FTO: variants seen among roughly 807,000 people sequenced by gnomAD.
The protein encoded by FTO is FTO alpha-ketoglutarate dependent dioxygenase, also known as alpha-ketoglutarate-dependent dioxygenase FTO.
A neutral mutation model predicts 63.9 loss-of-function variants in FTO; 47 were observed. The ratio of observed to expected loss-of-function variants is 0.74; its 90% confidence interval spans 0.58 to 0.94. The LOEUF (loss-of-function observed/expected upper bound fraction) is 0.94, where lower values mean the gene tolerates loss of function less well. Among genes scored for constraint, FTO ranks in the 40% least tolerant of loss-of-function variants. The pLI, the probability that FTO is intolerant of heterozygous loss-of-function variation, is 0.00. For missense variants in FTO, 562 were observed against 618.1 expected, an observed-to-expected ratio of 0.91 and a Z score of 0.96; for synonymous variants, 207 against 224.4, an observed-to-expected ratio of 0.92 and a Z score of 0.69.
chr16:53,773,230 C>G (rs1049626382), intron 1 of FTO, among the ~76,000 whole-genome samples: 4 of 151,942 alleles, frequency 2.6e-5, no homozygotes, highest in African/African-American at 9.7e-5. Flanking sequence ...GGGGAGCCCT[C>G]CAAATGTGAT....
At chr16:53,954,943 A>G (rs545498369) in intron 8 of FTO, among the ~76,000 whole-genome samples, 1 of 152,234 alleles carries the variant, frequency 6.6e-6, no homozygotes, top group South Asian at 2.1e-4. Flanking sequence ...TGAAGACCTG[A>G]TTCATTCCCA....
intron 1 of FTO, among the ~76,000 whole-genome samples, chr16:53,761,978 C>A (rs1417149544): frequency 2.0e-5 from 3 of 152,116 alleles, no homozygotes; most frequent in Non-Finnish European, 4.4e-5. Context: ...AACAAGTAGA[C>A]TTTGGGGGTA....
At chr16:53,995,666 A>G (rs16952751) in intron 8 of FTO, among the ~76,000 whole-genome samples, 1 of 152,170 alleles carries the variant, frequency 6.6e-6, no homozygotes, top group Admixed American at 6.5e-5. Context: ...AGAGATGACC[A>G]TGTATATGAA....
At chr16:54,048,445 A>T (rs1834890685) in intron 8 of FTO, among the ~76,000 whole-genome samples, 1 of 152,066 alleles carries the variant, frequency 6.6e-6, no homozygotes, top group South Asian at 2.1e-4. Context: ...AAATCATTCC[A>T]CCAACGCTGT....
intron 2 of FTO, among the ~76,000 whole-genome samples, chr16:53,825,266 A>T (rs949689312): frequency 6.6e-6 from 1 of 152,188 alleles, no homozygotes; most frequent in East Asian, 1.9e-4. Flanking sequence ...TTATTGAGAC[A>T]ATGCATTCTC....
At chr16:53,884,811 C>T (rs530162164) in intron 6 of FTO, among the ~76,000 whole-genome samples, 21 of 152,246 alleles carry the variant, frequency 1.4e-4, no homozygotes, top group Admixed American at 3.9e-4. Flanking sequence ...AGTGCATGTT[C>T]AAAATCAGGG....
chr16:54,100,547 G>T (rs1267034544), intron 8 of FTO, among the ~76,000 whole-genome samples: 1 of 152,034 alleles, frequency 6.6e-6, no homozygotes, highest in Admixed American at 6.6e-5. Flanking sequence ...TACAGATGGG[G>T]TTTCACTATG....
intron 8 of FTO, among the ~76,000 whole-genome samples, chr16:53,957,772 A>G (rs1448562836): frequency 6.6e-6 from 1 of 152,274 alleles, no homozygotes; most frequent in Non-Finnish European, 1.5e-5. Context: ...AGTAGAAATG[A>G]TCATCAAGAC....
intron 8 of FTO, among the ~76,000 whole-genome samples, chr16:53,939,103 A>G (rs1441513357): frequency 6.6e-6 from 1 of 152,196 alleles, no homozygotes; most frequent in African/African-American, 2.4e-5. Flanking sequence ...AAATAAAAAA[A>G]GAAAACCCTT....
intron 2 of FTO, among the ~76,000 whole-genome samples, chr16:53,822,504 C>G (rs1178992862): frequency 6.6e-6 from 1 of 152,116 alleles, no homozygotes; most frequent in African/African-American, 2.4e-5. Context: ...AATACTCTCA[C>G]TGTGGACAGT....
chr16:53,714,514 G>A (rs1253420535), intron 1 of FTO, among the ~76,000 whole-genome samples: 1 of 151,480 alleles, frequency 6.6e-6, no homozygotes, highest in African/African-American at 2.4e-5. Flanking sequence ...TTTTTTGTCT[G>A]TCAGCACAAC....
At chr16:53,864,713 AATTT>A (rs2080261038) in intron 4 of FTO, among the ~76,000 whole-genome samples, 1 of 152,150 alleles carries the variant, frequency 6.6e-6, no homozygotes, top group African/African-American at 2.4e-5. Flanking sequence ...GACATTCTTT[AATTT>A]ATTTTTTCTA....
rs9922637 is a variant in FTO at position 53,803,112 on chromosome 16, C to T, written c.46-7028C>T. 7.1e-3 allele frequency among the ~76,000 whole-genome samples: 1,086 copies of T among 152,266 alleles called. 14 individuals are homozygous for T. The highest frequency in any genetic ancestry group is 0.025 in the African/African-American group (1,024 of 41,542). On this transcript the variant is annotated intron_variant, in intron 1 of 8. Coordinates refer to ENST00000471389, the MANE Select transcript of FTO (RefSeq NM_001080432.3). ...TCTTAGAAACTTCCATGCCTTGTTG[C>T]TTTTGATTGGATGACAAACATTGTA...
At chr16:53,912,173 GAGA>G (rs1292729527) in intron 7 of FTO, among the ~76,000 whole-genome samples, 1 of 94,780 alleles carries the variant, frequency 1.1e-5, no homozygotes, top group East Asian at 4.0e-4. Context: ...GGGGTACTAG[GAGA>G]AGGATCAAAT....
At chr16:53,832,346 ACATACC>A (rs1215728669) in intron 3 of FTO, among the ~76,000 whole-genome samples, 4 of 152,224 alleles carry the variant, frequency 2.6e-5, no homozygotes, top group Admixed American at 2.6e-4. Context: ...AAGATAATGA[ACATACC>A]CATTATTCCA....
intron 3 of FTO, among the ~76,000 whole-genome samples, chr16:53,837,150 T>C (rs754808655): frequency 1.3e-5 from 2 of 152,348 alleles, no homozygotes; most frequent in African/African-American, 4.8e-5. Flanking sequence ...AATATAGTGA[T>C]TTTGAAGCTT....
chr16:53,721,403 A>G (rs1407345711), intron 1 of FTO, among the ~76,000 whole-genome samples: 4 of 152,258 alleles, frequency 2.6e-5, no homozygotes, highest in African/African-American at 4.8e-5. Flanking sequence ...CTATTTTTAT[A>G]CCATTTAGAA....
intron 8 of FTO, among the ~76,000 whole-genome samples, chr16:53,968,798 G>GC (rs2083251930): frequency 6.6e-6 from 1 of 152,194 alleles, no homozygotes; most frequent in African/African-American, 2.4e-5. Context: ...GGGTGGCAGT[G>GC]TCCTGGTGGG....
At chr16:53,932,808 C>T (rs963669092) in intron 7 of FTO, among the ~76,000 whole-genome samples, 4 of 152,126 alleles carry the variant, frequency 2.6e-5, no homozygotes, top group African/African-American at 9.7e-5. Flanking sequence ...ACTCTGAGGA[C>T]CATGGGTGGA....
Sources: allele counts gnomAD v4.1 joint callset (sites outside exome capture counted in the v4.1 genomes callset), GRCh38; gene constraint gnomAD v4.1.1; transcripts MANE v1.5; gene names NCBI Gene and HGNC (gene_info 2026-07-23, HGNC 2026-07-21).